MYLK2: variants seen among roughly 807,000 people sequenced by gnomAD.
MYLK2 encodes myosin light chain kinase 2, also known as myosin light chain kinase 2, skeletal/cardiac muscle.
Under a neutral mutation model 58.2 loss-of-function variants are expected in MYLK2, and 27 were observed. That is an observed-to-expected ratio of 0.46 (90% CI 0.34 to 0.64). The LOEUF (loss-of-function observed/expected upper bound fraction) is 0.64. Among genes scored for constraint, MYLK2 ranks in the 30% least tolerant of loss-of-function variants. The probability of loss-of-function intolerance (pLI) is 0.01; values close to 1 mark genes in which losing one functional copy is unlikely to be tolerated. For missense variants in MYLK2, 676 were observed against 764.3 expected (o/e 0.88, Z 1.36); for synonymous variants, 310 against 296.7 (o/e 1.04, Z -0.46).
At position 31,819,524 on chromosome 20, in the gene MYLK2, T is replaced by C; in HGVS notation, c.-48-9T>C. The C allele has an allele frequency of 6.5e-7, 1 of 1,549,750 alleles. No individual in the cohort carries two copies. The highest frequency in any genetic ancestry group is 8.7e-7 in the Non-Finnish European group (1 of 1,145,606). On this transcript the variant is annotated splice_polypyrimidine_tract_variant and intron_variant, in intron 1 of 12. Transcript: ENST00000375985. ...GACAGCCTGACACACTCCACTCTTG[T>C]TTCTGCAGCTAGAAAGACTTGAGTT...
At position 31,832,070 on chromosome 20, in the gene MYLK2, A is replaced by T; in HGVS notation, c.1644A>T (p.Lys548Asn). Residue 548 changes from lysine to asparagine, a missense_variant, in exon 12 of 13, where the codon AAA becomes AAT. Lys to Asn is a moderately conservative substitution (Grantham distance 94, BLOSUM62 0). Around this residue, in one of 2 missense-constraint regions of MYLK2, gnomAD observed 370 missense variants for 467.8 expected, o/e 0.79. Coordinates refer to ENST00000375985, the MANE Select transcript of MYLK2 (RefSeq NM_033118.4). ...PWLNNLAEKA[K>N]RCNRRLKSQI... ...TCAACAACCTGGCGGAGAAAGCCAA[A>T]CGCTGTAACCGACGCCTTAAGTCCC... The T allele has an allele frequency of 2.5e-6, 4 of 1,604,822 alleles. No individual in the cohort carries two copies. The highest frequency in any genetic ancestry group is 3.4e-6 in the Non-Finnish European group (4 of 1,175,458).
intron 4 of MYLK2, 120 bp downstream of exon 4, chr20:31,821,857 G>T: frequency 1.1e-6 from 1 of 900,414 alleles, no homozygotes; most frequent in Non-Finnish European, 1.7e-6. Context: ...CCTTACCCAG[G>T]CCCATTCATC....
chr20:31,828,867 T>C (rs1416718077), intron 8 of MYLK2, among the ~76,000 whole-genome samples: 1 of 152,030 alleles, frequency 6.6e-6, no homozygotes, highest in Non-Finnish European at 1.5e-5. Context: ...ATGCAGGGAA[T>C]TTAGAGGCTG....
chr20:31,833,879 A>G lies in MYLK2; in HGVS notation c.*82A>G. ...CACAGCCCAGAAGGCCAGAAAAGGC[A>G]GCCAGATCCCCAGGGCAGCCTCGTT... On this transcript the variant is annotated 3_prime_UTR_variant, in exon 13 of 13. Coordinates refer to ENST00000375985, the MANE Select transcript of MYLK2 (RefSeq NM_033118.4). The G allele has an allele frequency of 7.5e-7, 1 of 1,341,232 alleles. No individual in the cohort carries two copies. The highest frequency in any genetic ancestry group is 1.1e-6 in the Non-Finnish European group (1 of 949,202). 83.1% of individuals were successfully genotyped at this position (1,341,232 alleles called of 1,614,324 possible). A position where few individuals can be genotyped will look rare whatever the true frequency, so the allele number is the denominator to read the frequency against.
chr20:31,830,763 G>T (rs553603102), intron 8 of MYLK2, 56 bp from the exon 9 acceptor site: 2 of 1,576,882 alleles, frequency 1.3e-6, no homozygotes, highest in South Asian at 2.2e-5. Context: ...GGGCCTGGTG[G>T]GAGAGGGAGG....
chr20:31,828,424 T>C, intron 8 of MYLK2: 1 of 985,370 alleles, frequency 1.0e-6, no homozygotes, highest in Non-Finnish European at 1.2e-6. Context: ...TCCATAAGCA[T>C]ATGCTGGGTA....
In MYLK2 at chr20:31,831,792, C is replaced by T. The variant is rs144359857; in HGVS notation, c.1514C>T (p.Thr505Ile). The change falls in exon 11 of 13, where the codon ACC becomes ATC. Residue 505 changes from threonine (T) to isoleucine (I), a missense_variant. Thr to Ile is a moderately conservative substitution (Grantham distance 89). This residue lies in a region of MYLK2 where 370 missense variants were observed against 467.8 expected (regional missense o/e 0.79). Transcript: ENST00000375985. ...GGCAACTGGTACTTTGATGAAGAGACCTTTGAGGCCGTATCAGACGAGGCC... is the reference window on the plus strand; with the variant it reads ...GGCAACTGGTACTTTGATGAAGAGATCTTTGAGGCCGTATCAGACGAGGCC... The part of the protein sequence containing the change: ...LSGNWYFDEE[T>I]FEAVSDEAKD... 6 of 1,614,144 alleles carry T rather than the reference C, an allele frequency of 3.7e-6. No individual in the cohort carries two copies. Among genetic ancestry groups the T allele is most frequent in the Admixed American group, 1.7e-5 (1 of 60,008 alleles).
At chr20:31,821,906 C>A (rs555963939) in intron 4 of MYLK2, among the ~76,000 whole-genome samples, 169 bp downstream of exon 4, 121 of 152,236 alleles carry the variant, frequency 7.9e-4, no homozygotes, top group Non-Finnish European at 1.6e-3. Flanking sequence ...CCTTTTTTAA[C>A]GTATGTTTAT....
At chr20:31,825,529 AAAGAAAAGAAAAGAG>A (rs1432325785) in intron 6 of MYLK2, among the ~76,000 whole-genome samples, 1 of 152,150 alleles carries the variant, frequency 6.6e-6, no homozygotes, top group East Asian at 1.9e-4. Context: ...CAAAAAGAAA[AAAGAAAAGAAAAGAG>A]AAGAAAAGAA....
At chr20:31,832,424 GGA>G (rs1410622771) in intron 12 of MYLK2, among the ~76,000 whole-genome samples, 1 of 152,220 alleles carries the variant, frequency 6.6e-6, no homozygotes, top group East Asian at 1.9e-4. Context: ...TTGGGATATA[GGA>G]GTGGACAAAA....
rs374667330 is a variant in MYLK2 at position 31,831,800 on chromosome 20, G to A, written c.1522G>A (p.Ala508Thr). 3.7e-6 allele frequency: 6 copies of A among 1,614,152 alleles called. No individual in the cohort carries two copies. Among genetic ancestry groups the A allele is most frequent in the South Asian group, 1.1e-5 (1 of 91,084 alleles). The change falls in exon 11 of 13, where the codon GCC becomes ACC. Residue 508 changes from alanine to threonine, a missense_variant. By Grantham distance (58) the Ala-to-Thr change is moderately conservative. Around this residue, in one of 2 missense-constraint regions of MYLK2, gnomAD observed 370 missense variants for 467.8 expected, o/e 0.79. Transcript: ENST00000375985. ...NWYFDEETFE[A>T]VSDEAKDFVS... is the part of the protein sequence containing the mutation. ...GTACTTTGATGAAGAGACCTTTGAG[G>A]CCGTATCAGACGAGGCCAAAGACTT...
chr20:31,819,679 G>GT, intron 2 of MYLK2, 47 bp downstream of exon 2: 2 of 1,548,882 alleles, frequency 1.3e-6, no homozygotes, highest in Non-Finnish European at 1.7e-6. Flanking sequence ...GGGAAGGGGG[G>GT]TTTTGAATCC....
chr20:31,833,373 G>A (rs1173250232), intron 12 of MYLK2, among the ~76,000 whole-genome samples: 1 of 152,172 alleles, frequency 6.6e-6, no homozygotes, highest in African/African-American at 2.4e-5. Context: ...GGAGTGGAGT[G>A]AGCAAGGAGG....
Position 31,826,651 on chromosome 20 carries a change from G to A in MYLK2, c.1019G>A (p.Arg340His), listed in dbSNP as rs770590365. Residue 340 changes from arginine to histidine, a missense_variant, in exon 7 of 13, where the codon CGC becomes CAC. Around this residue, in one of 2 missense-constraint regions of MYLK2, gnomAD observed 370 missense variants for 467.8 expected, o/e 0.79. Transcript: ENST00000375985. The stretch of plus-strand genomic sequence containing the variant: ...GAGGTCATGAACCAGCTGAACCACC[G>A]CAATCTGATCCAGCTGTATGCAGCC... ...EIEVMNQLNH[R>H]NLIQLYAAIE... 89 of 1,613,956 alleles carry A rather than the reference G, an allele frequency of 5.5e-5. No homozygotes were observed. The highest frequency in any genetic ancestry group is 3.3e-4 in the Middle Eastern group (2 of 6,084).
At chr20:31,819,771 A>C in intron 2 of MYLK2, 139 bp downstream of exon 2, 1 of 1,113,452 alleles carries the variant, frequency 9.0e-7, no homozygotes, top group Non-Finnish European at 1.3e-6. Flanking sequence ...AATCAGAGGA[A>C]TCTCTGGCTA....
chr20:31,826,025 A>G (rs533349140), intron 6 of MYLK2, among the ~76,000 whole-genome samples: 19 of 152,262 alleles, frequency 1.2e-4, no homozygotes, highest in African/African-American at 4.6e-4. Flanking sequence ...TGAGGGCGCG[A>G]GAGTAAGGGA....
Position 31,832,071 on chromosome 20 carries a change from C to A in MYLK2, c.1645C>A (p.Arg549Ser). 2.5e-6 allele frequency: 4 copies of A among 1,607,774 alleles called. No homozygotes were observed. The highest frequency in any genetic ancestry group is 3.4e-6 in the Non-Finnish European group (4 of 1,177,070). ...WLNNLAEKAKRCNRRLKSQIL... is the reference protein window; with the variant it reads ...WLNNLAEKAKSCNRRLKSQIL... ...CAACAACCTGGCGGAGAAAGCCAAA[C>A]GCTGTAACCGACGCCTTAAGTCCCA... Residue 549 changes from arginine to serine, a missense_variant, in exon 12 of 13, where the codon CGC (arginine) becomes AGC (serine). Around this residue, in one of 2 missense-constraint regions of MYLK2, gnomAD observed 370 missense variants for 467.8 expected, o/e 0.79. Coordinates refer to ENST00000375985, the MANE Select transcript of MYLK2 (RefSeq NM_033118.4).
intron 4 of MYLK2, 26 bp from the exon 5 acceptor site, chr20:31,823,451 C>T (rs2062261442): frequency 6.3e-7 from 1 of 1,599,698 alleles, no homozygotes; most frequent in Non-Finnish European, 8.5e-7. Context: ...TGGCACTGAC[C>T]ATGAGGGCTG....
At chr20:31,823,017 C>T (rs2062259139) in intron 4 of MYLK2, among the ~76,000 whole-genome samples, 1 of 152,240 alleles carries the variant, frequency 6.6e-6, no homozygotes. Context: ...GCACGGTCCC[C>T]GGTCCCGCCC....
Sources: gnomAD v4.1 joint callset for allele counts (sites outside exome capture counted in the v4.1 genomes callset) on GRCh38, gnomAD v4.1.1 for gene constraint, gnomAD v4.1.1 regional missense constraint, MANE v1.5 for transcripts, NCBI Gene and HGNC (gene_info 2026-07-23, HGNC 2026-07-21) for gene names.